The following ANKS1B variants were observed in gnomAD, a reference collection of about 807,000 sequenced individuals.
ANKS1B encodes the protein ankyrin repeat and sterile alpha motif domain containing 1B, also known as ankyrin repeat and sterile alpha motif domain-containing protein 1B.
Under a neutral mutation model 148.3 loss-of-function variants are expected in ANKS1B, and 36 were observed. The ratio of observed to expected loss-of-function variants is 0.24; its 90% confidence interval spans 0.19 to 0.32. The LOEUF is 0.32. Among genes scored for constraint, ANKS1B ranks in the 10% least tolerant of loss-of-function variants. The pLI, the probability that ANKS1B is intolerant of heterozygous loss-of-function variation, is 1.00. For synonymous variants in ANKS1B, 542 were observed against 560.8 expected, an observed-to-expected ratio of 0.97 and a Z score of 0.47; for missense variants, 1,157 against 1,542.6, an observed-to-expected ratio of 0.75 and a Z score of 4.19.
intron 9 of ANKS1B, among the ~76,000 whole-genome samples, chr12:98,736,925 A>G (rs982716162): frequency 6.6e-6 from 1 of 152,224 alleles, no homozygotes; most frequent in East Asian, 1.9e-4. Flanking sequence ...GCAATAAGTA[A>G]ATACATTTGA....
chr12:98,823,104 G>A (rs953653588), intron 19 of ANKS1B, among the ~76,000 whole-genome samples: 1 of 152,222 alleles, frequency 6.6e-6, no homozygotes, highest in African/African-American at 2.4e-5. Flanking sequence ...TTCCACTTTT[G>A]TGTTGGTCAT....
At chr12:99,892,164 C>A (rs11110092) in intron 1 of ANKS1B, among the ~76,000 whole-genome samples, 3 of 151,844 alleles carry the variant, frequency 2.0e-5, no homozygotes, top group African/African-American at 7.3e-5. Context: ...CCACCATGCC[C>A]GGCTAATTTT....
chr12:99,899,402 G>A (rs1236883531), intron 1 of ANKS1B, among the ~76,000 whole-genome samples: 5 of 152,222 alleles, frequency 3.3e-5, no homozygotes, highest in Non-Finnish European at 7.4e-5. Context: ...TAAATTTAGT[G>A]AGGTATGTGT....
chr12:99,616,943 G>C (rs968021067), intron 9 of ANKS1B, among the ~76,000 whole-genome samples: 3 of 149,046 alleles, frequency 2.0e-5, no homozygotes, highest in Non-Finnish European at 3.0e-5. Flanking sequence ...AAATTTACAA[G>C]AAAAAAAAAC....
chr12:99,450,832 A>G (rs1191940067), intron 10 of ANKS1B, among the ~76,000 whole-genome samples: 4 of 152,242 alleles, frequency 2.6e-5, no homozygotes, highest in Non-Finnish European at 5.9e-5. Context: ...TGTATTTAAT[A>G]ATATGAAGAA....
At chr12:98,793,137 T>A (rs1476894729) in intron 22 of ANKS1B, among the ~76,000 whole-genome samples, 1 of 152,236 alleles carries the variant, frequency 6.6e-6, no homozygotes, top group African/African-American at 2.4e-5. Context: ...TTATCTTTTG[T>A]CTTTTTGATA....
chr12:99,292,230 C>T (rs868744758), intron 12 of ANKS1B, among the ~76,000 whole-genome samples: 15 of 151,898 alleles, frequency 9.9e-5, no homozygotes, highest in African/African-American at 1.4e-4. Flanking sequence ...TGGTGGCTCA[C>T]GCCTGTAATC....
intron 14 of ANKS1B, among the ~76,000 whole-genome samples, chr12:99,172,219 G>A (rs192032095): frequency 1.3e-5 from 2 of 152,262 alleles, no homozygotes; most frequent in Non-Finnish European, 2.9e-5. Flanking sequence ...AGGGAAATCT[G>A]CACAGAAATG....
chr12:98,926,478 G>C (rs1597061961), intron 17 of ANKS1B, among the ~76,000 whole-genome samples: 1 of 152,250 alleles, frequency 6.6e-6, no homozygotes, highest in East Asian at 1.9e-4. Flanking sequence ...CATTCAACAA[G>C]AAGTTAGGAG....
intron 12 of ANKS1B, among the ~76,000 whole-genome samples, chr12:99,258,569 T>C (rs1195962521): frequency 6.6e-6 from 1 of 151,222 alleles, no homozygotes; most frequent in Non-Finnish European, 1.5e-5. Flanking sequence ...TTTAAAGGAG[T>C]GCTGGGTTTT....
Position 99,194,684 on chromosome 12 carries a change from G to A in ANKS1B, c.2420-40289C>T, listed in dbSNP as rs150029740. ...ACAACTGGGGACATTTGGACATCAA[G>A]TGGGTCTTGGATAATATTAAGCAAT... On this transcript the variant is annotated intron_variant, in intron 14 of 26. Transcript: ENST00000683438. Among the ~76,000 whole-genome samples, 433 of 152,272 alleles carry A rather than the reference G, an allele frequency of 2.8e-3. 3 individuals carry two copies. The highest frequency in any genetic ancestry group is 9.8e-3 in the African/African-American group (406 of 41,572).
At chr12:99,252,883 C>T (rs1433079403) in intron 12 of ANKS1B, among the ~76,000 whole-genome samples, 1 of 152,132 alleles carries the variant, frequency 6.6e-6, no homozygotes, top group Non-Finnish European at 1.5e-5. Context: ...ACAAATTGCA[C>T]AGGGTGAAAA....
chr12:98,871,141 G>A, intron 17 of ANKS1B, among the ~76,000 whole-genome samples: 1 of 152,040 alleles, frequency 6.6e-6, no homozygotes, highest in East Asian at 1.9e-4. Context: ...CTCATGTAAT[G>A]TAAGTGATCT....
intron 17 of ANKS1B, among the ~76,000 whole-genome samples, chr12:98,841,522 T>C (rs1278907254): frequency 3.9e-5 from 6 of 152,184 alleles, no homozygotes; most frequent in Non-Finnish European, 5.9e-5. Context: ...GCAGCTCTGA[T>C]AAAAGGGTTT....
chr12:99,773,786 GATTT>G (rs1320819158), intron 7 of ANKS1B, among the ~76,000 whole-genome samples: 1 of 152,028 alleles, frequency 6.6e-6, no homozygotes, highest in African/African-American at 2.4e-5. Context: ...TAGATGCATG[GATTT>G]ATTTCTGGAC....
intron 17 of ANKS1B, among the ~76,000 whole-genome samples, chr12:99,002,671 C>T (rs914652295): frequency 3.3e-5 from 5 of 151,916 alleles, no homozygotes; most frequent in Admixed American, 6.6e-5. Flanking sequence ...TCTTGAGCCC[C>T]GATTTAATTA....
chr12:99,964,343 A>T (rs1275945281), intron 1 of ANKS1B, among the ~76,000 whole-genome samples: 1 of 152,238 alleles, frequency 6.6e-6, no homozygotes, highest in Non-Finnish European at 1.5e-5. Flanking sequence ...TATCATTGTC[A>T]TCACCTAGAT....
chr12:98,989,417 G>A (rs2099925252), intron 17 of ANKS1B, among the ~76,000 whole-genome samples: 1 of 152,126 alleles, frequency 6.6e-6, no homozygotes, highest in South Asian at 2.1e-4. Flanking sequence ...TCAGCTGACT[G>A]TAAATGTGTT....
intron 8 of ANKS1B, among the ~76,000 whole-genome samples, chr12:99,695,552 C>T (rs896792431): frequency 1.3e-5 from 2 of 152,132 alleles, no homozygotes; most frequent in African/African-American, 2.4e-5. Flanking sequence ...CATGGTGGTG[C>T]CTCACTAATG....
Sources: allele counts gnomAD v4.1 joint callset (sites outside exome capture counted in the v4.1 genomes callset), GRCh38; gene constraint gnomAD v4.1.1; transcripts MANE v1.5; gene names NCBI Gene and HGNC (gene_info 2026-07-23, HGNC 2026-07-21).